Variants in C3orf22 observed in about 807,000 individuals in gnomAD.
C3orf22 encodes the protein chromosome 3 open reading frame 22.
C3orf22 carries 7 observed loss-of-function variants against 10.8 expected under a neutral mutation model. The observed-to-expected ratio is 0.65, with a 90% CI of 0.37 to 1.22. The LOEUF (loss-of-function observed/expected upper bound fraction) is 1.22, where lower values mean the gene tolerates loss of function less well. Among genes scored for constraint, C3orf22 ranks in the 50% most tolerant of loss-of-function variants. C3orf22 has a pLI of 0.02. For synonymous variants in C3orf22, 79 were observed against 78.9 expected, an observed-to-expected ratio of 1.00 and a Z score of 0.00; for missense variants, 173 against 177.0, an observed-to-expected ratio of 0.98 and a Z score of 0.13.
chr3:126,556,249 C>G (rs1296031965), intron 1 of C3orf22, among the ~76,000 whole-genome samples: 1 of 152,160 alleles, frequency 6.6e-6, no homozygotes, highest in East Asian at 1.9e-4. Context: ...AGGCCATGCA[C>G]AGAGAGTGAC....
rs146981008 is a variant in C3orf22, at chr3:126,553,317, T to C, written c.74A>G (p.Lys25Arg). The C allele has an allele frequency of 9.7e-5, 157 of 1,614,080 alleles. No individual in the cohort carries two copies. The African/African-American group carries it at 1.2e-3, about 12-fold the overall frequency. The change falls in exon 2 of 4, where the codon AAG (lysine) becomes AGG (arginine). Residue 25 changes from lysine to arginine, a missense_variant. Physicochemically the swap from Lys to Arg is conservative, Grantham distance 26 (BLOSUM62 2). Transcript: ENST00000318225. Reference sequence around the variant, plus strand: ...CCTCCCGCACCTGTACGGAAACTTCTTGGCAAAATTCTCCTGGGCCTGGAT... The same window carrying C: ...CCTCCCGCACCTGTACGGAAACTTCCTGGCAAAATTCTCCTGGGCCTGGAT... ...WRIQAQENFA[K>R]KFPYRLSWLT...
chr3:126,544,755 G>A (rs1268653529), downstream of C3orf22, among the ~76,000 whole-genome samples: 1 of 152,200 alleles, frequency 6.6e-6, no homozygotes, highest in Non-Finnish European at 1.5e-5. Flanking sequence ...ACCTGGACAT[G>A]CTGGCAGTTA....
chr3:126,547,310 T>C (rs1359246017), downstream of C3orf22, among the ~76,000 whole-genome samples: 4 of 152,204 alleles, frequency 2.6e-5, no homozygotes, highest in Admixed American at 2.0e-4. Flanking sequence ...TGTCAAACAT[T>C]TCAGCTGTCA....
intron 4 of C3orf22, chr3:126,542,240 G>C (rs1385498683): frequency 6.5e-7 from 1 of 1,529,520 alleles, no homozygotes; most frequent in Non-Finnish European, 8.7e-7. Context: ...GGAGTTCCTG[G>C]CCTACCTGCT....
At chr3:126,537,373 G>A (rs6768289) in intron 4 of C3orf22, among the ~76,000 whole-genome samples, 38,991 of 152,114 alleles carry the variant, frequency 0.26, 5,088 homozygotes, top group Admixed American at 0.3. Flanking sequence ...CAAGGGTAGC[G>A]GGGAGCCATG....
At chr3:126,543,191 T>A (rs1055816604) in intron 4 of C3orf22, 1 of 152,270 alleles carries the variant, frequency 6.6e-6, no homozygotes, top group African/African-American at 2.4e-5. Flanking sequence ...TCAGGCTCCA[T>A]GCCAACAGAG....
Position 126,553,309 on chromosome 3 carries a change from G to A in C3orf22, c.82C>T (p.Pro28Ser). ...GGTGTCAGCCTCCCGCACCTGTACGGAAACTTCTTGGCAAAATTCTCCTGG... is the reference window on the plus strand; with the variant it reads ...GGTGTCAGCCTCCCGCACCTGTACGAAAACTTCTTGGCAAAATTCTCCTGG... ...QAQENFAKKF[P>S]YRLSWLTEPD... Residue 28 changes from proline (P) to serine (S), a missense_variant, in exon 2 of 4, where the codon CCG (proline) becomes TCG (serine). Physicochemically the swap from Pro to Ser is moderately conservative, Grantham distance 74. Coordinates refer to ENST00000318225, the MANE Select transcript of C3orf22 (RefSeq NM_152533.3). The A allele has an allele frequency of 6.2e-7, 1 of 1,613,740 alleles. No homozygotes were observed. Among genetic ancestry groups the A allele is most frequent in the Admixed American group, 1.7e-5 (1 of 60,026 alleles).
rs1036900398 is a variant in C3orf22, at chr3:126,549,713, A to T, written c.*155T>A. ...GAAGTGGGGTGGGAACTCGCAGTTT[A>T]TTAGCTTGGTGTAGCTTTTTGGGGG... On this transcript the variant is annotated 3_prime_UTR_variant, in exon 4 of 4. Coordinates refer to ENST00000318225, the MANE Select transcript of C3orf22 (RefSeq NM_152533.3). 3.3e-6 allele frequency: 5 copies of T among 1,523,330 alleles called. No homozygotes were observed. Among genetic ancestry groups the T allele is most frequent in the Non-Finnish European group, 4.4e-6 (5 of 1,138,746 alleles). 94.4% of individuals were successfully genotyped at this position (1,523,330 alleles called of 1,614,324 possible). A position where few individuals can be genotyped will look rare whatever the true frequency, so the allele number is the denominator to read the frequency against.
In C3orf22 at chr3:126,553,313, C is replaced by T. The variant is rs1937246149; in HGVS notation, c.78G>A (p.Lys26=). ...RIQAQENFAK[K]FPYRLSWLTE... ...TCAGCCTCCCGCACCTGTACGGAAA[C>T]TTCTTGGCAAAATTCTCCTGGGCCT... Residue 26 remains lysine, a synonymous_variant, in exon 2 of 4, where the codon AAG becomes AAA. Transcript: ENST00000318225. 1.9e-6 allele frequency: 3 copies of T among 1,613,826 alleles called. No homozygotes were observed. Among genetic ancestry groups the T allele is most frequent in the Non-Finnish European group, 2.5e-6 (3 of 1,179,808 alleles).
downstream of C3orf22, among the ~76,000 whole-genome samples, chr3:126,545,604 C>T (rs1937054650): frequency 6.6e-6 from 1 of 152,212 alleles, no homozygotes; most frequent in East Asian, 1.9e-4. Context: ...CCGAATGCAT[C>T]TGTGGGCTTC....
At chr3:126,552,992 A>T (rs986443774) in intron 2 of C3orf22, among the ~76,000 whole-genome samples, 2 of 152,238 alleles carry the variant, frequency 1.3e-5, no homozygotes, top group Non-Finnish European at 2.9e-5. Context: ...CCAGCACACC[A>T]ATTCCAACAC....
At chr3:126,557,320 G>A (rs1471628279) in intron 1 of C3orf22, among the ~76,000 whole-genome samples, 1 of 152,204 alleles carries the variant, frequency 6.6e-6, no homozygotes, top group Non-Finnish European at 1.5e-5. Context: ...ATTCAAAGCA[G>A]CTGGCGTGAC....
Position 126,531,040 on chromosome 3 carries a change from C to A in C3orf22, c.287-1668G>T, listed in dbSNP as rs372641372. 9.2e-5 allele frequency among the ~76,000 whole-genome samples: 14 copies of A among 152,396 alleles called. No individual in the cohort carries two copies. The East Asian group carries it at 2.3e-3, about 25-fold the overall frequency. On this transcript the variant is annotated intron_variant and NMD_transcript_variant, in intron 4 of 5. Transcript: ENST00000505070. ...GGGTTCTGGAGGCCAGTGCAAGGCC[C>A]GTCCAGCTGCCATCTATTCCTTCCA...
In C3orf22 at chr3:126,541,764, G is replaced by T. The variant is rs1433634660; in HGVS notation, c.286+7773C>A. The T allele has an allele frequency of 4.6e-6, 7 of 1,512,280 alleles. 1 individual carries two copies. The Admixed American group carries it at 1.3e-4, about 27-fold the overall frequency. The allele number at this position is 1,512,280 out of a possible 1,614,324, so 93.7% of individuals were successfully genotyped here. On this transcript the variant is annotated intron_variant and NMD_transcript_variant, in intron 4 of 5. Transcript: ENST00000505070. ...CGCTCGACCCTGGCGAAGGTGCACC[G>T]GCAGCGGCGCGACCTGCTGAACAGC...
At chr3:126,548,057 C>T (rs765077818), downstream of C3orf22, among the ~76,000 whole-genome samples, 11 of 152,204 alleles carry the variant, frequency 7.2e-5, no homozygotes, top group Admixed American at 1.3e-4. Context: ...TGCAGTGGTG[C>T]GATCTCAGCT....
rs117601207 is a variant in C3orf22 at position 126,556,558 on chromosome 3, G to A, written c.-41+2069C>T. 2.6e-4 allele frequency among the ~76,000 whole-genome samples: 40 copies of A among 152,044 alleles called. No individual in the cohort carries two copies. In the East Asian group the frequency reaches 6.8e-3, roughly 26 times the overall value. On this transcript the variant is annotated intron_variant, in intron 1 of 3. Transcript: ENST00000318225. Reference sequence around the variant, plus strand: ...ATCTACACACTCATGCCCAGCAACCGCTGCAAACGCCCCAGCCTCAGAGGA... The same window carrying A: ...ATCTACACACTCATGCCCAGCAACCACTGCAAACGCCCCAGCCTCAGAGGA...
At chr3:126,539,702 C>G (rs1379426869) in intron 4 of C3orf22, among the ~76,000 whole-genome samples, 1 of 128,344 alleles carries the variant, frequency 7.8e-6, no homozygotes, top group African/African-American at 3.0e-5. Context: ...ACACACACCA[C>G]ACACATATGC....
rs1357056861 is a variant in C3orf22, at chr3:126,552,010, T to C, written c.202A>G (p.Ile68Val). The C allele has an allele frequency of 6.2e-7, 1 of 1,612,086 alleles. No homozygotes were observed. The highest frequency in any genetic ancestry group is 1.3e-5 in the African/African-American group (1 of 74,814). ...LQKRLVPTRSIPVRGLGAPDF... is the reference protein window; with the variant it reads ...LQKRLVPTRSVPVRGLGAPDF... ...GCAGGGACTTACCCTCGGACTGGGATGGACCTCGTTGGCACCAACCTCTTC... is the reference window on the plus strand; with the variant it reads ...GCAGGGACTTACCCTCGGACTGGGACGGACCTCGTTGGCACCAACCTCTTC... The change falls in exon 3 of 4, where the codon ATC becomes GTC. Residue 68 changes from isoleucine to valine, a missense_variant. Physicochemically the swap from Ile to Val is conservative, Grantham distance 29 (BLOSUM62 3). Coordinates refer to ENST00000318225, the MANE Select transcript of C3orf22 (RefSeq NM_152533.3).
chr3:126,549,257 C>A (rs562221899), downstream of C3orf22, among the ~76,000 whole-genome samples: 222 of 146,736 alleles, frequency 1.5e-3, 1 homozygote, highest in African/African-American at 5.5e-3. Flanking sequence ...CCACGCCCCC[C>A]CCCCCACACA....
Sources: allele counts gnomAD v4.1 joint callset (sites outside exome capture counted in the v4.1 genomes callset), GRCh38; gene constraint gnomAD v4.1.1; transcripts MANE v1.5; gene names NCBI Gene and HGNC (gene_info 2026-07-23, HGNC 2026-07-21).